Variants in USP25 observed in about 807,000 individuals in gnomAD.
The protein encoded by USP25 is ubiquitin carboxyl-terminal hydrolase 25.
USP25 carries 85 observed loss-of-function variants against 158.5 expected under a neutral mutation model. That is an observed-to-expected ratio of 0.54 (90% CI 0.45 to 0.64). The LOEUF is 0.64. Among genes scored for constraint, USP25 ranks in the 30% least tolerant of loss-of-function variants. USP25 has a pLI of 0.00. For missense variants in USP25, 1,242 were observed against 1,327.3 expected (o/e 0.94, Z 1.00); for synonymous variants, 464 against 460.4 (o/e 1.01, Z -0.10).
intron 1 of USP25, among the ~76,000 whole-genome samples, chr21:15,752,103 T>C (rs1408237910): frequency 6.6e-6 from 1 of 152,036 alleles, no homozygotes; most frequent in Admixed American, 6.5e-5. Context: ...CTGGCTAATT[T>C]TGTATTTTTG....
chr21:15,765,769 A>G (rs1269134297), intron 2 of USP25, among the ~76,000 whole-genome samples: 2 of 152,164 alleles, frequency 1.3e-5, no homozygotes, highest in East Asian at 1.9e-4. Flanking sequence ...GAAATTAGAG[A>G]TGGATTTTTA....
At chr21:15,845,938 G>A (rs1172598087) in intron 18 of USP25, among the ~76,000 whole-genome samples, 2 of 151,482 alleles carry the variant, frequency 1.3e-5, no homozygotes, top group Non-Finnish European at 2.9e-5. Context: ...GCACAACAAA[G>A]TAGTACAATG....
At chr21:15,774,349 T>C (rs2034520134) in intron 3 of USP25, among the ~76,000 whole-genome samples, 2 of 152,204 alleles carry the variant, frequency 1.3e-5, no homozygotes, top group East Asian at 1.9e-4. Flanking sequence ...TCACCACTCA[T>C]ATACAAGCCT....
chr21:15,748,575 C>T (rs1489720461), intron 1 of USP25, among the ~76,000 whole-genome samples: 1 of 144,992 alleles, frequency 6.9e-6, no homozygotes, highest in Non-Finnish European at 1.5e-5. Flanking sequence ...ATTGGCATTA[C>T]AGGCATGAGC....
At chr21:15,770,765 A>G (rs779120564) in intron 3 of USP25, among the ~76,000 whole-genome samples, 1 of 152,208 alleles carries the variant, frequency 6.6e-6, no homozygotes, top group Non-Finnish European at 1.5e-5. Context: ...ACATAATGCT[A>G]CATTTCCATT....
intron 4 of USP25, among the ~76,000 whole-genome samples, chr21:15,790,743 G>A (rs1013846158): frequency 2.0e-5 from 3 of 151,416 alleles, no homozygotes; most frequent in Non-Finnish European, 4.4e-5. Flanking sequence ...GGGAACCAGG[G>A]TTTTCCAGTT....
chr21:15,870,070 G>C lies in USP25; in HGVS notation c.2808G>C (p.Glu936Asp), dbSNP rs1319640572. ...TTAATATTTTCTTTCACCTACAGGA[G>C]TGGCATCAGGATTATAGGAAATTCA... ...PEEVNLEEYEEWHQDYRKFRE... is the reference protein window; with the variant it reads ...PEEVNLEEYEDWHQDYRKFRE... The change falls in exon 23 of 26, where the codon GAG becomes GAC. Residue 936 changes from glutamate to aspartate, a missense_variant and splice_region_variant. Glu to Asp is a conservative substitution (Grantham distance 45, BLOSUM62 2). This residue lies in a region of USP25 where 608 missense variants were observed against 605.2 expected (regional missense o/e 1.00). Coordinates refer to ENST00000400183, the MANE Select transcript of USP25 (RefSeq NM_001283041.3). 3 of 1,602,832 alleles carry C rather than the reference G, an allele frequency of 1.9e-6. No homozygotes were observed. Among genetic ancestry groups the C allele is most frequent in the Non-Finnish European group, 2.6e-6 (3 of 1,174,600 alleles).
chr21:15,783,507 G>A (rs2035087097), intron 4 of USP25, among the ~76,000 whole-genome samples: 1 of 152,060 alleles, frequency 6.6e-6, no homozygotes, highest in Non-Finnish European at 1.5e-5. Context: ...ACATATATGG[G>A]AATTCCCATT....
intron 1 of USP25, among the ~76,000 whole-genome samples, chr21:15,750,457 T>C (rs2032918484): frequency 6.6e-6 from 1 of 151,830 alleles, no homozygotes; most frequent in African/African-American, 2.4e-5. Context: ...CTTGATCTCC[T>C]GACCTCAGGT....
rs996801906 is a variant in USP25 at position 15,815,847 on chromosome 21, T to C, written c.932-2851T>C. On this transcript the variant is annotated intron_variant, in intron 9 of 25. Coordinates refer to ENST00000400183, the MANE Select transcript of USP25 (RefSeq NM_001283041.3). ...TTTCTCCCTTCTTATAGGGAGTAAC[T>C]AGCTTGCTTTTGATATTACAGGCTT... 3.9e-5 allele frequency among the ~76,000 whole-genome samples: 6 copies of C among 152,214 alleles called. No individual in the cohort carries two copies. The East Asian group carries it at 1.2e-3, about 29-fold the overall frequency.
intron 23 of USP25, among the ~76,000 whole-genome samples, chr21:15,870,792 T>C (rs569829127): frequency 6.6e-6 from 1 of 152,346 alleles, no homozygotes; most frequent in East Asian, 1.9e-4. Context: ...AAAAGGGATA[T>C]TGAATTTTTC....
chr21:15,827,081 A>C lies in USP25; in HGVS notation c.1571A>C (p.Gln524Pro). 6.2e-7 allele frequency: 1 copy of C among 1,614,192 alleles called. No homozygotes were observed. ...TCAGTAATACACAAACCATTTACTC[A>C]GTCCCGGATACCTCCAGATTTGCCC... ...SRSVIHKPFT[Q>P]SRIPPDLPMH... Residue 524 changes from glutamine (Q) to proline (P), a missense_variant, in exon 14 of 26, where the codon CAG becomes CCG. Physicochemically the swap from Gln to Pro is moderately conservative, Grantham distance 76 (BLOSUM62 -1). Around this residue, in one of 3 missense-constraint regions of USP25, gnomAD observed 627 missense variants for 701.4 expected, o/e 0.89. Transcript: ENST00000400183.
At chr21:15,874,873 A>AT (rs1568919892) in intron 24 of USP25, among the ~76,000 whole-genome samples, 1 of 152,242 alleles carries the variant, frequency 6.6e-6, no homozygotes, top group African/African-American at 2.4e-5. Flanking sequence ...ATGTAAGTCT[A>AT]TAAGAATATG....
At chr21:15,781,176 G>GC (rs2034941408) in intron 4 of USP25, among the ~76,000 whole-genome samples, 1 of 152,308 alleles carries the variant, frequency 6.6e-6, no homozygotes, top group African/African-American at 2.4e-5. Context: ...TGTGGCAGGA[G>GC]CCACACCCCA....
intron 14 of USP25, among the ~76,000 whole-genome samples, chr21:15,829,436 A>G (rs758797724): frequency 3.9e-5 from 6 of 152,164 alleles, no homozygotes; most frequent in Non-Finnish European, 7.3e-5. Context: ...ACATTAAACC[A>G]GTTTGCATTC....
chr21:15,804,592 T>C (rs1177206688), intron 6 of USP25, among the ~76,000 whole-genome samples: 1 of 152,052 alleles, frequency 6.6e-6, no homozygotes, highest in East Asian at 1.9e-4. Context: ...GATTCATTGC[T>C]CAGTGAAAGG....
chr21:15,830,588 A>G lies in USP25; in HGVS notation c.1751A>G (p.Lys584Arg). Residue 584 changes from lysine (K) to arginine (R), a missense_variant, in exon 15 of 26, where the codon AAA (lysine) becomes AGA (arginine). By Grantham distance (26) the Lys-to-Arg change is conservative. This residue lies in a region of USP25 where 627 missense variants were observed against 701.4 expected (regional missense o/e 0.89). Coordinates refer to ENST00000400183, the MANE Select transcript of USP25 (RefSeq NM_001283041.3). ...HRTIELMYSD[K>R]SMIQVPYRLH... is the part of the protein sequence containing the mutation. The stretch of plus-strand genomic sequence containing the variant: ...ACAATTGAATTAATGTACTCTGACA[A>G]ATCTATGATACAAGTAAGTGAAATT... 6.3e-7 allele frequency: 1 copy of G among 1,597,466 alleles called. No homozygotes were observed. The highest frequency in any genetic ancestry group is 8.5e-7 in the Non-Finnish European group (1 of 1,172,390).
Position 15,853,199 on chromosome 21 carries a change from CTT to C in USP25, c.2547+3328_2547+3329del, listed in dbSNP as rs371099981. Among the ~76,000 whole-genome samples, 334 of 152,132 alleles carry C rather than the reference CTT, an allele frequency of 2.2e-3. 1 individual carries two copies. The highest frequency in any genetic ancestry group is 0.014 in the Middle Eastern group (4 of 294). ...TTTTACTGTTCATAATATTTTGTAA[CTT>C]ATATCACTCAGAAATCTATTGTGGG... On this transcript the variant is annotated intron_variant, in intron 20 of 25. Transcript: ENST00000400183.
intron 4 of USP25, among the ~76,000 whole-genome samples, chr21:15,783,261 C>T (rs1188332795): frequency 6.6e-6 from 1 of 151,298 alleles, no homozygotes; most frequent in Non-Finnish European, 1.5e-5. Flanking sequence ...ACTTATCAGA[C>T]ACCATTAAGC....
Sources: gnomAD v4.1 joint callset for allele counts (sites outside exome capture counted in the v4.1 genomes callset) on GRCh38, gnomAD v4.1.1 for gene constraint, gnomAD v4.1.1 regional missense constraint, MANE v1.5 for transcripts, NCBI Gene and HGNC (gene_info 2026-07-23, HGNC 2026-07-21) for gene names.